HCN1: variants seen among roughly 807,000 people sequenced by gnomAD.
The protein encoded by HCN1 is hyperpolarization activated cyclic nucleotide gated potassium channel 1, also known as potassium/sodium hyperpolarization-activated cyclic nucleotide-gated channel 1.
In HCN1, 13 loss-of-function variants were observed where a neutral mutation model predicts 78.9. The ratio of observed to expected loss-of-function variants is 0.16; its 90% CI spans 0.11 to 0.26. The LOEUF (loss-of-function observed/expected upper bound fraction) is 0.26, where lower values mean the gene tolerates loss of function less well. Ranked by LOEUF, HCN1 falls within the 10% of genes least tolerant of loss-of-function variation. The probability of loss-of-function intolerance (pLI) is 1.00; values close to 1 mark genes in which losing one functional copy is unlikely to be tolerated. For missense variants in HCN1, 810 were observed against 1,154.3 expected (o/e 0.70, Z 4.32); for synonymous variants, 552 against 455.5 (o/e 1.21, Z -2.70).
chr5:45,625,620 T>A (rs1028568726), intron 2 of HCN1, among the ~76,000 whole-genome samples: 1 of 151,466 alleles, frequency 6.6e-6, no homozygotes, highest in Middle Eastern at 3.4e-3. Context: ...AAGAGAAAAC[T>A]TTAAAAAAAA....
At chr5:45,560,247 T>C (rs1019680978) in intron 2 of HCN1, among the ~76,000 whole-genome samples, 1 of 152,148 alleles carries the variant, frequency 6.6e-6, no homozygotes, top group Non-Finnish European at 1.5e-5. Flanking sequence ...ATATAATGTT[T>C]GTATGCATTC....
chr5:45,416,347 A>G (rs1409987035), intron 3 of HCN1, among the ~76,000 whole-genome samples: 1 of 151,964 alleles, frequency 6.6e-6, no homozygotes, highest in East Asian at 1.9e-4. Context: ...CCTGGACTCA[A>G]AGTGCCTAGA....
intron 6 of HCN1, among the ~76,000 whole-genome samples, chr5:45,271,867 G>A (rs1369397155): frequency 6.6e-6 from 1 of 152,000 alleles, no homozygotes; most frequent in African/African-American, 2.4e-5. Context: ...AAAGGACTTT[G>A]TTCATTACCA....
chr5:45,390,070 T>C (rs1327554898), intron 4 of HCN1, among the ~76,000 whole-genome samples: 2 of 152,194 alleles, frequency 1.3e-5, no homozygotes, highest in African/African-American at 4.8e-5. Context: ...TCAGGGCCTT[T>C]GCACACTTTG....
Position 45,258,105 on chromosome 5 carries a change from C to T in HCN1, c.*3816G>A, listed in dbSNP as rs1233286144. 6.6e-6 allele frequency: 1 copy of T among 151,980 alleles called. No homozygotes were observed. Among genetic ancestry groups the T allele is most frequent in the African/African-American group, 2.4e-5 (1 of 41,328 alleles). 9.4% of individuals were successfully genotyped at this position (151,980 alleles called of 1,614,324 possible). A position where few individuals can be genotyped will look rare whatever the true frequency, so the allele number is the denominator to read the frequency against. On this transcript the variant is annotated 3_prime_UTR_variant, in exon 8 of 8. Coordinates refer to ENST00000303230, the MANE Select transcript of HCN1 (RefSeq NM_021072.4). The stretch of plus-strand genomic sequence containing the variant: ...CATTCAAACAGGTTAACATTATAAA[C>T]AGTGCAAGTGAGGGCCATAGAAGCA...
chr5:45,442,420 G>A (rs562383766), intron 3 of HCN1, among the ~76,000 whole-genome samples: 1 of 151,974 alleles, frequency 6.6e-6, no homozygotes, highest in Non-Finnish European at 1.5e-5. Context: ...CTGAGGGCCT[G>A]CTGGCTCTAA....
chr5:45,414,376 G>A (rs1170886367), intron 3 of HCN1, among the ~76,000 whole-genome samples: 1 of 151,916 alleles, frequency 6.6e-6, no homozygotes, highest in Non-Finnish European at 1.5e-5. Flanking sequence ...ATCTAAAAAA[G>A]AGGCCTCTCT....
intron 6 of HCN1, among the ~76,000 whole-genome samples, chr5:45,288,982 C>A (rs977704633): frequency 4.6e-5 from 7 of 152,018 alleles, no homozygotes; most frequent in African/African-American, 1.4e-4. Flanking sequence ...AAAGTAACCG[C>A]AGGACATCAT....
intron 7 of HCN1, among the ~76,000 whole-genome samples, chr5:45,265,976 T>A (rs77732644): frequency 2.6e-5 from 4 of 151,900 alleles, no homozygotes; most frequent in African/African-American, 9.7e-5. Flanking sequence ...GGAGGTGATA[T>A]CTAAACAGAG....
chr5:45,418,024 G>T (rs1283356804), intron 3 of HCN1, among the ~76,000 whole-genome samples: 1 of 151,816 alleles, frequency 6.6e-6, no homozygotes, highest in Non-Finnish European at 1.5e-5. Flanking sequence ...ATGGCATAAA[G>T]AATTCACTGC....
chr5:45,519,599 A>G (rs1281799922), intron 2 of HCN1, among the ~76,000 whole-genome samples: 1 of 151,980 alleles, frequency 6.6e-6, no homozygotes, highest in Non-Finnish European at 1.5e-5. Flanking sequence ...AAAGAAATAT[A>G]TGTAGGGTGT....
intron 5 of HCN1, among the ~76,000 whole-genome samples, chr5:45,326,267 T>G (rs1746232136): frequency 6.6e-6 from 1 of 151,680 alleles, no homozygotes. Flanking sequence ...ATGTATATCT[T>G]TATTGTCATC....
At chr5:45,354,402 C>A (rs770143883) in intron 4 of HCN1, among the ~76,000 whole-genome samples, 1 of 151,878 alleles carries the variant, frequency 6.6e-6, no homozygotes, top group Non-Finnish European at 1.5e-5. Context: ...ATAAAGATGT[C>A]AAAATAATAT....
chr5:45,597,478 A>C (rs939049368), intron 2 of HCN1, among the ~76,000 whole-genome samples: 3 of 152,194 alleles, frequency 2.0e-5, no homozygotes, highest in African/African-American at 7.2e-5. Flanking sequence ...AATGGGCAAA[A>C]ACTGAAAGCA....
intron 3 of HCN1, among the ~76,000 whole-genome samples, chr5:45,440,929 T>A (rs749359031): frequency 3.3e-5 from 5 of 152,134 alleles, no homozygotes; most frequent in African/African-American, 7.2e-5. Flanking sequence ...CTCCTACACA[T>A]CTTCTAACAT....
chr5:45,606,541 A>C (rs1372213465), intron 2 of HCN1, among the ~76,000 whole-genome samples: 2 of 151,950 alleles, frequency 1.3e-5, no homozygotes, highest in East Asian at 3.9e-4. Flanking sequence ...AAGCAGGTGG[A>C]AAGTTGGATC....
intron 5 of HCN1, among the ~76,000 whole-genome samples, chr5:45,326,726 T>C: frequency 6.6e-6 from 1 of 151,668 alleles, no homozygotes; most frequent in East Asian, 1.9e-4. Context: ...AATTAAAAGA[T>C]TTTAATGTTT....
At chr5:45,497,697 T>C (rs1019073722) in intron 2 of HCN1, among the ~76,000 whole-genome samples, 1 of 152,286 alleles carries the variant, frequency 6.6e-6, no homozygotes, top group Non-Finnish European at 1.5e-5. Flanking sequence ...ATTTAGTACA[T>C]TTACATGAAT....
intron 4 of HCN1, among the ~76,000 whole-genome samples, chr5:45,385,353 G>A (rs1013958542): frequency 6.6e-6 from 1 of 151,872 alleles, no homozygotes; most frequent in Non-Finnish European, 1.5e-5. Context: ...GTAGTCATTC[G>A]ATTTTTTTTA....
Sources: gnomAD v4.1 joint callset for allele counts (sites outside exome capture counted in the v4.1 genomes callset) on GRCh38, gnomAD v4.1.1 for gene constraint, MANE v1.5 for transcripts, NCBI Gene and HGNC (gene_info 2026-07-23, HGNC 2026-07-21) for gene names.